LMAN1L: variants seen among roughly 807,000 people sequenced by gnomAD.
The protein encoded by LMAN1L is lectin, mannose binding 1 like.
Under a neutral mutation model 58.3 loss-of-function variants are expected in LMAN1L, and 60 were observed. The observed-to-expected ratio is 1.03, with a 90% confidence interval of 0.84 to 1.27. The LOEUF (loss-of-function observed/expected upper bound fraction) is 1.27. LMAN1L is among the 50% of genes most tolerant of loss of function. The pLI is 0.00. For missense variants in LMAN1L, 629 were observed against 674.0 expected, an observed-to-expected ratio of 0.93 and a Z score of 0.74; for synonymous variants, 280 against 271.6, an observed-to-expected ratio of 1.03 and a Z score of -0.31.
Position 74,812,956 on chromosome 15 carries a change from G to C in LMAN1L, c.102G>C (p.Glu34Asp). ...GGTGTCCTCCTCTACGCAGGTTTGA[G>C]TACAAGCTCAGCTTCAAAGGCCCAA... ...ETGCPPLRRFEYKLSFKGPRL... is the reference protein window; with the variant it reads ...ETGCPPLRRFDYKLSFKGPRL... Residue 34 changes from glutamate (E) to aspartate (D), a missense_variant, in exon 1 of 14, where the codon GAG becomes GAC. Glu to Asp is a conservative substitution (Grantham distance 45, BLOSUM62 2). Transcript: ENST00000309664. The C allele has an allele frequency of 6.2e-7, 1 of 1,614,056 alleles. No individual in the cohort carries two copies. The highest frequency in any genetic ancestry group is 8.5e-7 in the Non-Finnish European group (1 of 1,179,950).
chr15:74,824,644 C>G, intron 13 of LMAN1L, 166 bp downstream of exon 13: 1 of 760,734 alleles, frequency 1.3e-6, no homozygotes, highest in Non-Finnish European at 2.1e-6. Context: ...TCACCAAGCA[C>G]TACTGACCAC....
intron 8 of LMAN1L, 41 bp downstream of exon 8, chr15:74,820,808 G>A: frequency 1.3e-6 from 2 of 1,585,200 alleles, no homozygotes; most frequent in East Asian, 2.2e-5. Flanking sequence ...CCATCTGAGT[G>A]TCACAGCATC....
intron 1 of LMAN1L, among the ~76,000 whole-genome samples, chr15:74,814,564 G>T (rs1175348787): frequency 6.6e-6 from 1 of 152,086 alleles, no homozygotes; most frequent in African/African-American, 2.4e-5. Context: ...TAGTAGAGAT[G>T]GGGTTTCACC....
At chr15:74,821,309 T>A (rs1285155248) in intron 9 of LMAN1L, 83 bp downstream of exon 9, 2 of 1,451,316 alleles carry the variant, frequency 1.4e-6, no homozygotes, top group Non-Finnish European at 1.9e-6. Flanking sequence ...TAGTCTCCCC[T>A]AAGGCCTGGA....
rs2141118852 is a variant in LMAN1L, at chr15:74,825,532, G to A, written c.1508G>A (p.Gly503Asp). Residue 503 changes from glycine to aspartate, a missense_variant, in exon 14 of 14, where the codon GGT becomes GAT. Gly to Asp is a moderately conservative substitution (Grantham distance 94). Around this residue, in one of 3 missense-constraint regions of LMAN1L, gnomAD observed 53 missense variants for 59.7 expected, o/e 0.89. Coordinates refer to ENST00000309664, the MANE Select transcript of LMAN1L (RefSeq NM_021819.3). Reference protein sequence around the residue: ...ECLSTGSLPLGPAPHTPRALG... With the variant: ...ECLSTGSLPLDPAPHTPRALG... ...CTGTCCACAGGCAGCCTTCCTCTGG[G>A]TCCTGCACCACACACCCCCAGGGCC... 6.2e-7 allele frequency: 1 copy of A among 1,613,810 alleles called. No individual in the cohort carries two copies. Among genetic ancestry groups the A allele is most frequent in the Non-Finnish European group, 8.5e-7 (1 of 1,179,866 alleles).
intron 1 of LMAN1L, among the ~76,000 whole-genome samples, chr15:74,814,155 G>A (rs1351850327): frequency 2.7e-5 from 4 of 149,816 alleles, no homozygotes; most frequent in Non-Finnish European, 4.4e-5. Context: ...TGTGAGTTCT[G>A]AGAAATGGCA....
chr15:74,822,200 C>T (rs955414375), intron 10 of LMAN1L, among the ~76,000 whole-genome samples: 3 of 152,026 alleles, frequency 2.0e-5, no homozygotes, highest in African/African-American at 7.2e-5. Context: ...ACTGAAAATA[C>T]AAAAATTATA....
rs2063938569 is a variant in LMAN1L, at chr15:74,825,609, A to G, written c.*4A>G. The G allele has an allele frequency of 1.2e-6, 2 of 1,607,956 alleles. No individual in the cohort carries two copies. Among genetic ancestry groups the G allele is most frequent in the Non-Finnish European group, 1.7e-6 (2 of 1,176,634 alleles). ...CCCTGCCAGCATGCCTGCCTGACCC[A>G]CCTCAGAGCCTGCTTTGCATCACTG... On this transcript the variant is annotated 3_prime_UTR_variant, in exon 14 of 14. Coordinates refer to ENST00000309664, the MANE Select transcript of LMAN1L (RefSeq NM_021819.3).
Position 74,820,100 on chromosome 15 carries a change from G to A in LMAN1L, c.774+1G>A, listed in dbSNP as rs2063909625. On this transcript the variant is annotated splice_donor_variant, in intron 7 of 13. Coordinates refer to ENST00000309664, the MANE Select transcript of LMAN1L (RefSeq NM_021819.3). LOFTEE classifies it high-confidence loss of function. ...CAGCCTGAGTGAGCCCAGCCCAGAG[G>A]TGATGCCAGCCCTGGCCTACCTGGG... is the stretch of plus-strand genomic sequence containing the variant. 6.2e-7 allele frequency: 1 copy of A among 1,613,568 alleles called. No individual in the cohort carries two copies. Among genetic ancestry groups the A allele is most frequent in the African/African-American group, 1.3e-5 (1 of 74,896 alleles).
In LMAN1L at chr15:74,818,737, C is replaced by T; in HGVS notation, c.517C>T (p.Leu173=). 1 of 1,609,968 alleles carries T rather than the reference C, an allele frequency of 6.2e-7. No individual in the cohort carries two copies. The stretch of plus-strand genomic sequence containing the variant: ...CCACAGGGATGGAGCTAGCCAAGGG[C>T]TGGGCTCCTGTCATTGGGACTTCCG... ...EQPGDGASQG[L]GSCHWDFRNR... The change falls in exon 5 of 14, where the codon CTG becomes TTG. Residue 173 remains leucine, a synonymous_variant. Coordinates refer to ENST00000309664, the MANE Select transcript of LMAN1L (RefSeq NM_021819.3).
At position 74,823,933 on chromosome 15, in the gene LMAN1L, G is replaced by A. The variant is rs2063929288; in HGVS notation, c.1323+251G>A. 5.5e-6 allele frequency: 3 copies of A among 548,022 alleles called. No individual in the cohort carries two copies. The African/African-American group carries it at 5.7e-5, about 10-fold the overall frequency. 33.9% of individuals were successfully genotyped at this position (548,022 alleles called of 1,614,324 possible). A position where few individuals can be genotyped will look rare whatever the true frequency, so the allele number is the denominator to read the frequency against. On this transcript the variant is annotated intron_variant, in intron 12 of 13. Coordinates refer to ENST00000309664, the MANE Select transcript of LMAN1L (RefSeq NM_021819.3). ...CAGACTCAGCAGCAGCAGGGCCCTG[G>A]ACACCCCTCGATCCAATATCCAATG...
Position 74,818,861 on chromosome 15 carries a change from G to C in LMAN1L, c.597+44G>C, listed in dbSNP as rs772336956. 4 of 1,520,064 alleles carry C rather than the reference G, an allele frequency of 2.6e-6. No homozygotes were observed. The East Asian group carries it at 9.4e-5, about 36-fold the overall frequency. 94.2% of individuals were successfully genotyped at this position (1,520,064 alleles called of 1,614,324 possible). A position where few individuals can be genotyped will look rare whatever the true frequency, so the allele number is the denominator to read the frequency against. ...TTCTGACAGGGCTCTGAGTTACAGA[G>C]CTGCTATGTGTGCGTGCCCACGGCC... On this transcript the variant is annotated intron_variant, in intron 5 of 13. Coordinates refer to ENST00000309664, the MANE Select transcript of LMAN1L (RefSeq NM_021819.3).
chr15:74,816,163 T>C lies in LMAN1L; in HGVS notation c.182T>C (p.Ile61Thr). The C allele has an allele frequency of 6.5e-7, 1 of 1,549,254 alleles. No individual in the cohort carries two copies. The highest frequency in any genetic ancestry group is 8.7e-7 in the Non-Finnish European group (1 of 1,147,300). The stretch of plus-strand genomic sequence containing the variant: ...GAGCTGCCCTTGTCCACAGACGCCA[T>C]CCTGGGCCTGGAGGAAGTGCGGCTG... ...IPFWSHHGDAILGLEEVRLTP... is the reference protein window; with the variant it reads ...IPFWSHHGDATLGLEEVRLTP... Residue 61 changes from isoleucine to threonine, a missense_variant, in exon 2 of 14, where the codon ATC (isoleucine) becomes ACC (threonine). Transcript: ENST00000309664.
rs371600410 is a variant in LMAN1L, at chr15:74,820,776, C to T, written c.907+9C>T. The T allele has an allele frequency of 2.7e-5, 44 of 1,606,986 alleles. No individual in the cohort carries two copies. The highest frequency in any genetic ancestry group is 1.3e-4 in the African/African-American group (10 of 74,762). On this transcript the variant is annotated intron_variant, in intron 8 of 13. Transcript: ENST00000309664. The stretch of plus-strand genomic sequence containing the variant: ...TGAAGCTCAAGGAGAAGGTAGGGAC[C>T]GAGAGAGCGGGCAGGTGGCGCCCAT...
intron 12 of LMAN1L, 34 bp downstream of exon 12, chr15:74,823,716 C>T: frequency 1.2e-6 from 2 of 1,605,314 alleles, no homozygotes; most frequent in Non-Finnish European, 1.7e-6. Flanking sequence ...ATGGGGTCCC[C>T]AACCTTGACG....
rs140078515 is a variant in LMAN1L at position 74,812,932 on chromosome 15, G to C, written c.78G>C (p.Gly26=). The C allele has an allele frequency of 1.5e-5, 25 of 1,614,042 alleles. 1 individual carries two copies. In the Admixed American group the frequency reaches 3.3e-4, roughly 22 times the overall value. ...LLLDPHSPET[G]CPPLRRFEYK... is the part of the protein sequence containing the mutation. ...TGGACCCCCACAGCCCTGAGACGGG[G>C]TGTCCTCCTCTACGCAGGTTTGAGT... Residue 26 remains glycine (G), a synonymous_variant, in exon 1 of 14, where the codon GGG becomes GGC. Coordinates refer to ENST00000309664, the MANE Select transcript of LMAN1L (RefSeq NM_021819.3).
intron 1 of LMAN1L, chr15:74,813,504 G>A (rs1301236895): frequency 2.2e-6 from 1 of 456,618 alleles, no homozygotes; most frequent in Admixed American, 2.3e-5. Flanking sequence ...GCCCTTCCCT[G>A]TATGTGTGTT....
chr15:74,824,367 C>A lies in LMAN1L; in HGVS notation c.1340C>A (p.Ala447Asp). ...CCCTTTCAGAAGGCAGCAGCCAAGGCCCCCCGCCCACCTGGCCAGCCCCCA... is the reference window on the plus strand; with the variant it reads ...CCCTTTCAGAAGGCAGCAGCCAAGGACCCCCGCCCACCTGGCCAGCCCCCA... The part of the protein sequence containing the change: ...LRGPAKAAAK[A>D]PRPPGQPPRA... Residue 447 changes from alanine (A) to aspartate (D), a missense_variant, in exon 13 of 14, where the codon GCC becomes GAC. Ala to Asp is a moderately radical substitution (Grantham distance 126). Transcript: ENST00000309664. 2.5e-6 allele frequency: 4 copies of A among 1,613,396 alleles called. No individual in the cohort carries two copies. Among genetic ancestry groups the A allele is most frequent in the South Asian group, 1.1e-5 (1 of 91,030 alleles).
In LMAN1L at chr15:74,824,377, AC is replaced by A. The variant is rs764804144; in HGVS notation, c.1352del (p.Pro451LeufsTer25). ...AKAAAKAPRP[P>X]GQPPRASSCL... ...AGGCAGCAGCCAAGGCCCCCCGCCCACCTGGCCAGCCCCCAAGGGCCTCCTC... is the reference window on the plus strand; with the variant it reads ...AGGCAGCAGCCAAGGCCCCCCGCCCACTGGCCAGCCCCCAAGGGCCTCCTC... On this transcript the variant is annotated frameshift_variant, in exon 13 of 14. Coordinates refer to ENST00000309664, the MANE Select transcript of LMAN1L (RefSeq NM_021819.3). LOFTEE classifies it high-confidence loss of function. 137 of 1,613,852 alleles carry A rather than the reference AC, an allele frequency of 8.5e-5. No individual in the cohort carries two copies. The Admixed American group carries it at 2.2e-3, about 26-fold the overall frequency.
Sources: gnomAD v4.1 joint callset for allele counts (sites outside exome capture counted in the v4.1 genomes callset) on GRCh38, gnomAD v4.1.1 for gene constraint, gnomAD v4.1.1 regional missense constraint, MANE v1.5 for transcripts, NCBI Gene and HGNC (gene_info 2026-07-23, HGNC 2026-07-21) for gene names.